The following CELSR1 variants were observed in gnomAD, a reference collection of about 807,000 sequenced individuals.
The protein encoded by CELSR1 is cadherin EGF LAG seven-pass G-type receptor 1, also known as adhesion G protein-coupled receptor C1.
In CELSR1, 110 loss-of-function variants were observed where a neutral mutation model predicts 249.1. The observed-to-expected ratio is 0.44, with a 90% CI of 0.38 to 0.52. CELSR1 has a LOEUF of 0.52. Among genes scored for constraint, CELSR1 ranks in the 20% least tolerant of loss-of-function variants. The pLI is 0.00. For synonymous variants in CELSR1, 2,113 were observed against 1,900.0 expected (o/e 1.11, Z -2.92); for missense variants, 4,109 against 4,296.4 (o/e 0.96, Z 1.22).
chr22:46,400,910 C>T (rs2147291217), intron 9 of CELSR1, among the ~76,000 whole-genome samples: 1 of 151,794 alleles, frequency 6.6e-6, no homozygotes, highest in Non-Finnish European at 1.5e-5. Context: ...CTAGGTAGCA[C>T]TACTGTACTT....
chr22:46,457,799 G>C (rs562043314), intron 2 of CELSR1, among the ~76,000 whole-genome samples: 1 of 152,322 alleles, frequency 6.6e-6, no homozygotes, highest in Admixed American at 6.5e-5. Context: ...CCCTAGGAAG[G>C]GGCAGAGGAG....
At chr22:46,366,866 C>A in intron 29 of CELSR1, 127 bp downstream of exon 29, 10 of 1,320,174 alleles carry the variant, frequency 7.6e-6, no homozygotes, top group Non-Finnish European at 1.0e-5. Context: ...GCACCGCGGG[C>A]GGCTCTGCCA....
rs2080178733 is a variant in CELSR1 at position 46,473,684 on chromosome 22, C to T, written c.3545-9339G>A. Among the ~76,000 whole-genome samples the T allele has an allele frequency of 6.6e-6, 1 of 152,184 alleles. No individual in the cohort carries two copies. Among genetic ancestry groups the T allele is most frequent in the Non-Finnish European group, 1.5e-5 (1 of 68,032 alleles). ...TGCTTGCTGTCCAGCTGGTAAGAGA[C>T]ACAGGGTGCGTGCCTGTCCTTCCCG... On this transcript the variant is annotated intron_variant, in intron 1 of 34. Transcript: ENST00000674500. The surrounding 1 kb of genome is among the most constrained non-coding windows in gnomAD (Gnocchi z 6.6).
chr22:46,507,970 G>A (rs2080532360), intron 1 of CELSR1, among the ~76,000 whole-genome samples: 1 of 152,192 alleles, frequency 6.6e-6, no homozygotes, highest in Admixed American at 6.5e-5. Flanking sequence ...CCAGGCCGTA[G>A]GCTCCTAGGT....
chr22:46,474,692 T>C (rs1311644753), intron 1 of CELSR1, among the ~76,000 whole-genome samples: 2 of 150,604 alleles, frequency 1.3e-5, no homozygotes, highest in Non-Finnish European at 3.0e-5. Flanking sequence ...GCCATCCTAC[T>C]GTAACTTTGT....
intron 1 of CELSR1, among the ~76,000 whole-genome samples, chr22:46,480,975 G>A (rs1278206832): frequency 3.3e-5 from 5 of 152,130 alleles, no homozygotes; most frequent in Admixed American, 6.5e-5. Context: ...GGTGGCTCAC[G>A]CCTGTAATCC....
In CELSR1 at chr22:46,386,575, T is replaced by C. The variant is rs1602058864; in HGVS notation, c.6566A>G (p.His2189Arg). The C allele has an allele frequency of 3.1e-6, 5 of 1,593,588 alleles. No homozygotes were observed. The highest frequency in any genetic ancestry group is 4.3e-6 in the Non-Finnish European group (5 of 1,174,636). The change falls in exon 19 of 35, where the codon CAC becomes CGC. Residue 2189 changes from histidine to arginine, a missense_variant. Physicochemically the swap from His to Arg is conservative, Grantham distance 29. Coordinates refer to ENST00000674500, the MANE Select transcript of CELSR1 (RefSeq NM_001378328.1). ...QDADFHEDVI[H>R]SGSALLAPAT... Reference sequence around the variant, plus strand: ...TGGGGCCAGGAGGGCGCTGCCCGAGTGGATGACGTCCTGGTCAGACAGACA... The same window carrying C: ...TGGGGCCAGGAGGGCGCTGCCCGAGCGGATGACGTCCTGGTCAGACAGACA...
In CELSR1 at chr22:46,393,166, T is replaced by C. The variant is rs2079111785; in HGVS notation, c.5964+976A>G. Reference sequence around the variant, plus strand: ...CTCACGTCCCTCGCCCAGGCTCCTGTTACCCTCAGACCTAACATTTGGGTT... The same window carrying C: ...CTCACGTCCCTCGCCCAGGCTCCTGCTACCCTCAGACCTAACATTTGGGTT... On this transcript the variant is annotated intron_variant, in intron 14 of 34. Transcript: ENST00000674500. The surrounding 1 kb of genome is among the most constrained non-coding windows in gnomAD (Gnocchi z 4.1). 6.6e-6 allele frequency among the ~76,000 whole-genome samples: 1 copy of C among 152,188 alleles called. No individual in the cohort carries two copies. The highest frequency in any genetic ancestry group is 1.5e-5 in the Non-Finnish European group (1 of 68,032).
intron 1 of CELSR1, among the ~76,000 whole-genome samples, chr22:46,493,319 G>A (rs556911763): frequency 1.4e-4 from 22 of 152,264 alleles, no homozygotes; most frequent in Middle Eastern, 3.4e-3. Flanking sequence ...GCCAAGGCGG[G>A]TGGATCACCT....
rs939071017 is a variant in CELSR1 at position 46,448,467 on chromosome 22, C to T, written c.4184-9056G>A. Reference sequence around the variant, plus strand: ...TCAGGACCTGGGGGAGGGCTGGGAACGCGCTGGGAACGTGCCCCAGGAGGG... The same window carrying T: ...TCAGGACCTGGGGGAGGGCTGGGAATGCGCTGGGAACGTGCCCCAGGAGGG... On this transcript the variant is annotated intron_variant, in intron 2 of 34. Transcript: ENST00000674500. The surrounding 1 kb of genome is among the most constrained non-coding windows in gnomAD (Gnocchi z 5.7). 2.3e-5 allele frequency: 8 copies of T among 351,170 alleles called. No individual in the cohort carries two copies. Among genetic ancestry groups the T allele is most frequent in the East Asian group, 8.9e-5 (1 of 11,216 alleles). 21.8% of individuals were successfully genotyped at this position (351,170 alleles called of 1,614,324 possible). A position where few individuals can be genotyped will look rare whatever the true frequency, so the allele number is the denominator to read the frequency against.
rs2079275188 is a variant in CELSR1, at chr22:46,407,071, G to A, written c.5226+1925C>T. ...GTGTGGCCGACCCCAAGGCAGGAGA[G>A]GAGGCTAACCTAAGGGCAGCATCTC... On this transcript the variant is annotated intron_variant, in intron 9 of 34. Transcript: ENST00000674500. This position sits in a 1 kb window ranked among gnomAD's most constrained non-coding sequence, Gnocchi z 4.8. Among the ~76,000 whole-genome samples, 1 of 152,220 alleles carries A rather than the reference G, an allele frequency of 6.6e-6. No individual in the cohort carries two copies. The highest frequency in any genetic ancestry group is 1.5e-5 in the Non-Finnish European group (1 of 68,028).
rs1049952664 is a variant in CELSR1, at chr22:46,411,541, C to T, written c.4769+61G>A. ...TACGTGGGGCCCTGCCCTGGGAAGG[C>T]CGCAGGGTGAGCATGTTTGGGGGTA... On this transcript the variant is annotated intron_variant, in intron 6 of 34. Coordinates refer to ENST00000674500, the MANE Select transcript of CELSR1 (RefSeq NM_001378328.1). This position sits in a 1 kb window ranked among gnomAD's most constrained non-coding sequence, Gnocchi z 4.2. The T allele has an allele frequency of 1.0e-5, 16 of 1,594,640 alleles. No homozygotes were observed. The highest frequency in any genetic ancestry group is 1.4e-5 in the Non-Finnish European group (16 of 1,168,954).
chr22:46,389,305 G>T lies in CELSR1; in HGVS notation c.6540C>A (p.Asp2180Glu). 6.2e-7 allele frequency: 1 copy of T among 1,606,882 alleles called. No individual in the cohort carries two copies. Residue 2180 changes from aspartate (D) to glutamate (E), a missense_variant, in exon 18 of 35, where the codon GAC (aspartate) becomes GAA (glutamate). Physicochemically the swap from Asp to Glu is conservative, Grantham distance 45. Around this residue, in one of 7 missense-constraint regions of CELSR1, gnomAD observed 1,805 missense variants for 1,831.6 expected, o/e 0.99. Coordinates refer to ENST00000674500, the MANE Select transcript of CELSR1 (RefSeq NM_001378328.1). ...ACCCGCCTACCTCGTGAAAGTCGGC[G>T]TCCTGCGTGGCTGCCAGGTCGAAGC... The part of the protein sequence containing the change: ...QQGFDLAATQ[D>E]ADFHEDVIHS...
intron 5 of CELSR1, among the ~76,000 whole-genome samples, chr22:46,420,489 C>T (rs534979176): frequency 3.9e-5 from 6 of 152,304 alleles, no homozygotes; most frequent in East Asian, 3.9e-4. Context: ...TGCACTCACA[C>T]GTGTGCACAC....
At position 46,377,091 on chromosome 22, in the gene CELSR1, G is replaced by A. The variant is rs116079347; in HGVS notation, c.7554C>T (p.Phe2518=). Residue 2518 remains phenylalanine, a synonymous_variant, in exon 24 of 35, where the codon TTC becomes TTT. Coordinates refer to ENST00000674500, the MANE Select transcript of CELSR1 (RefSeq NM_001378328.1). ...TTTCCGTCTGGTTGATCCCAATCAC[G>A]AACACCAGCTGAGAGAGGAAGAGCG... The part of the protein sequence containing the change: ...AVALFLSQLV[F]VIGINQTENP... The A allele has an allele frequency of 1.1e-3, 1,851 of 1,613,378 alleles. 35 individuals are homozygous for A. The Admixed American group carries it at 0.029, about 26-fold the overall frequency.
chr22:46,388,705 C>T (rs1325339262), intron 18 of CELSR1, among the ~76,000 whole-genome samples: 1 of 152,224 alleles, frequency 6.6e-6, no homozygotes, highest in African/African-American at 2.4e-5. Context: ...AAGCAGTTTC[C>T]AAATATCAGG....
rs1212238286 is a variant in CELSR1, at chr22:46,361,394, G to A, written c.*1829C>T. ...CAAATTAAAAATTACACCTCGTGATGTTGGCTGTGGAGTACGTGGAAAAAA... is the reference window on the plus strand; with the variant it reads ...CAAATTAAAAATTACACCTCGTGATATTGGCTGTGGAGTACGTGGAAAAAA... On this transcript the variant is annotated 3_prime_UTR_variant, in exon 35 of 35. Transcript: ENST00000674500. The A allele has an allele frequency of 6.6e-6, 1 of 152,402 alleles. No homozygotes were observed. The highest frequency in any genetic ancestry group is 1.5e-5 in the Non-Finnish European group (1 of 68,042). The allele number at this position is 152,402 out of a possible 1,614,324, so 9.4% of individuals were successfully genotyped here.
chr22:46,532,336 C>T (rs373778477), intron 1 of CELSR1, among the ~76,000 whole-genome samples: 2 of 152,376 alleles, frequency 1.3e-5, no homozygotes, highest in East Asian at 1.9e-4. Flanking sequence ...ATTCTCTACA[C>T]GTTTACAATC....
chr22:46,511,545 A>G (rs2206361), intron 1 of CELSR1, among the ~76,000 whole-genome samples: 134,073 of 152,244 alleles, frequency 0.88, 59,076 homozygotes, highest in East Asian at 0.92. Flanking sequence ...TTCAACAAAC[A>G]CTGACTAGGC....
Sources: allele counts gnomAD v4.1 joint callset (sites outside exome capture counted in the v4.1 genomes callset), GRCh38; gene constraint gnomAD v4.1.1; regional missense constraint gnomAD v4.1.1; non-coding constraint Gnocchi (gnomAD v3.1); transcripts MANE v1.5; gene names NCBI Gene and HGNC (gene_info 2026-07-23, HGNC 2026-07-21).